The following DTNA variants were observed in gnomAD, a reference collection of about 807,000 sequenced individuals.
The protein encoded by DTNA is dystrobrevin alpha.
A neutral mutation model predicts 100.7 loss-of-function variants in DTNA; 43 were observed. The ratio of observed to expected loss-of-function variants is 0.43; its 90% CI spans 0.33 to 0.55. The LOEUF is 0.55. Ranked by LOEUF, DTNA falls within the 20% of genes least tolerant of loss-of-function variation. The probability of loss-of-function intolerance (pLI) is 0.04; values close to 1 mark genes in which losing one functional copy is unlikely to be tolerated. For missense variants in DTNA, 798 were observed against 953.9 expected, an observed-to-expected ratio of 0.84 and a Z score of 2.15; for synonymous variants, 349 against 347.9, an observed-to-expected ratio of 1.00 and a Z score of -0.04.
Position 34,689,662 on chromosome 18 carries a change from G to A in DTNA, c.-1-66314G>A, listed in dbSNP as rs577204535. 3.3e-5 allele frequency among the ~76,000 whole-genome samples: 5 copies of A among 152,346 alleles called. No homozygotes were observed. The East Asian group carries it at 7.7e-4, about 24-fold the overall frequency. On this transcript the variant is annotated intron_variant, in intron 1 of 19. Transcript: ENST00000283365. Reference sequence around the variant, plus strand: ...AGGAGGCAATCTGTCCCTTAGCAGAGCTCGAGTGCTGTGCTGGGAGATCCA... The same window carrying A: ...AGGAGGCAATCTGTCCCTTAGCAGAACTCGAGTGCTGTGCTGGGAGATCCA...
At chr18:34,821,039 AAGTC>A (rs2095703166) in intron 9 of DTNA, 124 bp downstream of exon 9, 12 of 1,412,696 alleles carry the variant, frequency 8.5e-6, no homozygotes, top group African/African-American at 1.4e-5. Flanking sequence ...TTAAAAAAAA[AAGTC>A]AGAGTAATGC....
chr18:34,829,604 G>T, intron 11 of DTNA, 115 bp downstream of exon 11: 1 of 1,099,372 alleles, frequency 9.1e-7, no homozygotes, highest in Non-Finnish European at 1.2e-6. Flanking sequence ...GGAGATAGAG[G>T]TCTTCTGGGG....
At chr18:34,583,253 C>T (rs1334748707) in intron 1 of DTNA, among the ~76,000 whole-genome samples, 4 of 152,076 alleles carry the variant, frequency 2.6e-5, no homozygotes, top group Non-Finnish European at 4.4e-5. Context: ...TAATTACATA[C>T]CTTGCTGGGA....
chr18:34,577,266 A>G (rs559390264), intron 1 of DTNA, among the ~76,000 whole-genome samples: 4 of 152,272 alleles, frequency 2.6e-5, no homozygotes, highest in South Asian at 2.1e-4. Context: ...GAAGTTTAAC[A>G]TATCTAATGT....
At chr18:34,611,285 A>C (rs1396080278) in intron 1 of DTNA, among the ~76,000 whole-genome samples, 1 of 152,174 alleles carries the variant, frequency 6.6e-6, no homozygotes, top group East Asian at 1.9e-4. Context: ...TACACCAAGG[A>C]AACAGTACCA....
At chr18:34,667,139 A>G (rs922385090) in intron 1 of DTNA, among the ~76,000 whole-genome samples, 3 of 152,184 alleles carry the variant, frequency 2.0e-5, no homozygotes, top group African/African-American at 7.2e-5. Context: ...GGTCCTTCAC[A>G]TCCCTTGTAA....
chr18:34,804,756 G>A (rs1215907783), intron 4 of DTNA, among the ~76,000 whole-genome samples: 1 of 152,106 alleles, frequency 6.6e-6, no homozygotes, highest in African/African-American at 2.4e-5. Flanking sequence ...TCTAAGTGAA[G>A]GTTTCAGATA....
chr18:34,687,453 G>C (rs145578378), intron 1 of DTNA, among the ~76,000 whole-genome samples: 1 of 152,138 alleles, frequency 6.6e-6, no homozygotes, highest in South Asian at 2.1e-4. Flanking sequence ...GTGCAGTTTT[G>C]AGTGAGTTTC....
chr18:34,662,021 A>C (rs1435762530), intron 1 of DTNA, among the ~76,000 whole-genome samples: 1 of 151,898 alleles, frequency 6.6e-6, no homozygotes, highest in East Asian at 1.9e-4. Flanking sequence ...CAAGGCACAA[A>C]CTCTTCATTT....
intron 1 of DTNA, among the ~76,000 whole-genome samples, chr18:34,591,581 C>T (rs1289862208): frequency 4.6e-5 from 7 of 152,032 alleles, no homozygotes; most frequent in Admixed American, 2.0e-4. Flanking sequence ...CTTGGGAAGG[C>T]GTGTTTTTGA....
At chr18:34,791,358 G>A (rs1397746564) in intron 3 of DTNA, among the ~76,000 whole-genome samples, 2 of 151,968 alleles carry the variant, frequency 1.3e-5, no homozygotes, top group South Asian at 2.1e-4. Flanking sequence ...AGGTCACAGG[G>A]ACCAAGCAGG....
intron 1 of DTNA, among the ~76,000 whole-genome samples, chr18:34,677,751 C>T (rs755952220): frequency 2.6e-5 from 4 of 152,002 alleles, no homozygotes; most frequent in African/African-American, 4.8e-5. Context: ...TGTAATAATA[C>T]ATTTAATTCA....
At chr18:34,599,726 C>T (rs2051375148) in intron 1 of DTNA, among the ~76,000 whole-genome samples, 1 of 152,034 alleles carries the variant, frequency 6.6e-6, no homozygotes, top group African/African-American at 2.4e-5. Context: ...GCTCTGTCGC[C>T]CAGGCTAGAG....
At chr18:34,657,990 T>C (rs1023893643) in intron 1 of DTNA, among the ~76,000 whole-genome samples, 1 of 152,200 alleles carries the variant, frequency 6.6e-6, no homozygotes, top group African/African-American at 2.4e-5. Flanking sequence ...GTAGTTAAAA[T>C]GGATGAAAGA....
At chr18:34,507,956 G>A (rs768856323) in intron 1 of DTNA, among the ~76,000 whole-genome samples, 3 of 152,134 alleles carry the variant, frequency 2.0e-5, no homozygotes, top group Non-Finnish European at 2.9e-5. Flanking sequence ...AACATTTTAT[G>A]TGCTCATATT....
intron 1 of DTNA, among the ~76,000 whole-genome samples, chr18:34,635,106 A>C (rs2058523132): frequency 1.3e-5 from 2 of 152,096 alleles, no homozygotes; most frequent in Admixed American, 1.3e-4. Context: ...TCCACATTTG[A>C]GATCATGTGG....
rs563431146 is a variant in DTNA at position 34,771,588 on chromosome 18, T to G, written c.148+5547T>G. ...AATCGCTTCTTCCCCTTACCATTCATCTTTGTACCCTGCCATACCTTCCCC... is the reference window on the plus strand; with the variant it reads ...AATCGCTTCTTCCCCTTACCATTCAGCTTTGTACCCTGCCATACCTTCCCC... On this transcript the variant is annotated intron_variant, in intron 3 of 22. Coordinates refer to ENST00000444659, the MANE Select transcript of DTNA (RefSeq NM_001386795.1). 5.9e-5 allele frequency among the ~76,000 whole-genome samples: 9 copies of G among 152,296 alleles called. No homozygotes were observed. The South Asian group carries it at 1.7e-3, about 28-fold the overall frequency.
intron 17 of DTNA, among the ~76,000 whole-genome samples, chr18:34,869,071 T>A (rs1198949535): frequency 2.0e-5 from 3 of 152,196 alleles, no homozygotes; most frequent in Admixed American, 2.0e-4. Flanking sequence ...TAGACCTGAA[T>A]TACAGTGGTA....
chr18:34,614,452 C>T (rs948403879), intron 1 of DTNA, among the ~76,000 whole-genome samples: 4 of 152,136 alleles, frequency 2.6e-5, no homozygotes, highest in African/African-American at 9.7e-5. Context: ...TCTGATGGAT[C>T]TGGACAAAGT....
Sources: gnomAD v4.1 joint callset for allele counts (sites outside exome capture counted in the v4.1 genomes callset) on GRCh38, gnomAD v4.1.1 for gene constraint, MANE v1.5 for transcripts, NCBI Gene and HGNC (gene_info 2026-07-23, HGNC 2026-07-21) for gene names.